RASA1: variants seen among roughly 807,000 people sequenced by gnomAD.
RASA1 encodes the protein RAS p21 protein activator 1.
RASA1 carries 25 observed loss-of-function variants against 132.2 expected under a neutral mutation model. The observed-to-expected ratio is 0.19, with a 90% CI of 0.14 to 0.26. The LOEUF is 0.26. Among genes scored for constraint, RASA1 ranks in the 10% least tolerant of loss-of-function variants. The probability of loss-of-function intolerance (pLI) is 1.00; values close to 1 mark genes in which losing one functional copy is unlikely to be tolerated. For synonymous variants in RASA1, 477 were observed against 449.9 expected, an observed-to-expected ratio of 1.06 and a Z score of -0.76; for missense variants, 964 against 1,299.2, an observed-to-expected ratio of 0.74 and a Z score of 3.97.
At chr5:87,359,178 G>GT (rs929475129) in intron 9 of RASA1, among the ~76,000 whole-genome samples, 2 of 152,106 alleles carry the variant, frequency 1.3e-5, no homozygotes, top group African/African-American at 2.4e-5. Flanking sequence ...ATTAAATGGC[G>GT]TTTTCCTACA....
intron 1 of RASA1, among the ~76,000 whole-genome samples, chr5:87,302,969 A>C (rs1755442364): frequency 6.6e-6 from 1 of 152,116 alleles, no homozygotes; most frequent in African/African-American, 2.4e-5. Context: ...TTAGACGTAC[A>C]TATGGAATTG....
chr5:87,309,583 A>G (rs1380233194), intron 1 of RASA1, among the ~76,000 whole-genome samples: 4 of 152,106 alleles, frequency 2.6e-5, no homozygotes, highest in Non-Finnish European at 4.4e-5. Flanking sequence ...ATCTAGTCTT[A>G]TGATACTGTA....
At chr5:87,289,834 C>G (rs1754838121) in intron 1 of RASA1, among the ~76,000 whole-genome samples, 1 of 152,134 alleles carries the variant, frequency 6.6e-6, no homozygotes, top group Admixed American at 6.5e-5. Flanking sequence ...GTCTTGAACT[C>G]TTGGACTTGA....
At chr5:87,295,614 C>T (rs891477636) in intron 1 of RASA1, among the ~76,000 whole-genome samples, 14 of 151,982 alleles carry the variant, frequency 9.2e-5, no homozygotes, top group Non-Finnish European at 2.1e-4. Context: ...AAGTGATCCT[C>T]CCACCTCAGC....
Position 87,380,552 on chromosome 5 carries a change from C to T in RASA1, c.2647C>T (p.His883Tyr). Residue 883 changes from histidine (H) to tyrosine (Y), a missense_variant, in exon 20 of 25, where the codon CAT becomes TAT. By Grantham distance (83) the His-to-Tyr change is moderately conservative. This residue lies in a region of RASA1 where 346 missense variants were observed against 520.1 expected (regional missense o/e 0.67). Transcript: ENST00000274376. Reference sequence around the variant, plus strand: ...TGGGTGTTTACAGAAATCTGTTCAGCATAAGTGGCCTACAAATACCACCAT... The same window carrying T: ...TGGGTGTTTACAGAAATCTGTTCAGTATAAGTGGCCTACAAATACCACCAT... ...IYGCLQKSVQ[H>Y]KWPTNTTMRT... 1 of 1,613,380 alleles carries T rather than the reference C, an allele frequency of 6.2e-7. No individual in the cohort carries two copies. Among genetic ancestry groups the T allele is most frequent in the Non-Finnish European group, 8.5e-7 (1 of 1,179,522 alleles).
chr5:87,378,998 C>A (rs752235986), intron 18 of RASA1, among the ~76,000 whole-genome samples: 1 of 152,080 alleles, frequency 6.6e-6, no homozygotes, highest in Non-Finnish European at 1.5e-5. Flanking sequence ...AGTATAAATT[C>A]ATAATACACT....
At position 87,363,448 on chromosome 5, in the gene RASA1, A is replaced by G; in HGVS notation, c.1554A>G (p.Gly518=). 6.2e-7 allele frequency: 1 copy of G among 1,612,400 alleles called. No individual in the cohort carries two copies. The highest frequency in any genetic ancestry group is 8.5e-7 in the Non-Finnish European group (1 of 1,178,694). Residue 518 remains glycine, a synonymous_variant, in exon 11 of 25, where the codon GGA becomes GGG. Transcript: ENST00000274376. ...ESEKRATKPK[G]LIDLSVCSVY... is the part of the protein sequence containing the mutation. ...AAAAACGAGCTACCAAACCAAAAGG[A>G]TTAATAGATCTCAGTGTATGTTCTG...
chr5:87,341,523 T>C (rs2112398831), intron 6 of RASA1, among the ~76,000 whole-genome samples: 2 of 152,254 alleles, frequency 1.3e-5, no homozygotes, highest in South Asian at 4.1e-4. Context: ...AGCTGATAAC[T>C]AAATATAACT....
chr5:87,269,795 T>A lies in RASA1; in HGVS notation c.539+805T>A, dbSNP rs185354566. Among the ~76,000 whole-genome samples the A allele has an allele frequency of 5.5e-3, 836 of 152,348 alleles. 10 individuals are homozygous for A. Among genetic ancestry groups the A allele is most frequent in the South Asian group, 0.034 (163 of 4,826 alleles). ...AAAATATACAGGACAATGACTTTTT[T>A]AAAATGTAAGTTAATACCTCCTCCT... On this transcript the variant is annotated intron_variant, in intron 1 of 24. Coordinates refer to ENST00000274376, the MANE Select transcript of RASA1 (RefSeq NM_002890.3).
At chr5:87,314,229 T>A (rs1019463343) in intron 1 of RASA1, among the ~76,000 whole-genome samples, 8 of 152,186 alleles carry the variant, frequency 5.3e-5, no homozygotes, top group African/African-American at 1.9e-4. Context: ...TTGGTTTGTT[T>A]AAGAAATGAC....
intron 9 of RASA1, among the ~76,000 whole-genome samples, chr5:87,360,113 A>G (rs1759961020): frequency 1.3e-5 from 2 of 149,288 alleles, no homozygotes; most frequent in Admixed American, 6.6e-5. Context: ...TTTTTGTATT[A>G]TCAAAATGCA....
intron 1 of RASA1, among the ~76,000 whole-genome samples, chr5:87,277,230 T>C (rs1394357503): frequency 6.6e-6 from 1 of 152,172 alleles, no homozygotes; most frequent in Non-Finnish European, 1.5e-5. Context: ...ACGTAGAATG[T>C]ACACACATAT....
rs73156382 is a variant in RASA1, at chr5:87,355,848, C to A, written c.1332+2613C>A. Among the ~76,000 whole-genome samples the A allele has an allele frequency of 1.7e-3, 260 of 152,234 alleles. 1 individual carries two copies. Among genetic ancestry groups the A allele is most frequent in the Middle Eastern group, 0.017 (5 of 294 alleles). On this transcript the variant is annotated intron_variant, in intron 9 of 24. Transcript: ENST00000274376. Reference sequence around the variant, plus strand: ...AGCTGATTCCAACTCTTTTGGATAACTTTGAGGGGCTCAAGACTACAAGAT... The same window carrying A: ...AGCTGATTCCAACTCTTTTGGATAAATTTGAGGGGCTCAAGACTACAAGAT...
In RASA1 at chr5:87,268,420, G is replaced by T. The variant is rs924618715; in HGVS notation, c.-32G>T. ...GGTGGCCCCTGGGGCTCCCGGGCGG[G>T]CAGGGTAGGGCAGAGTAGAGCGGGC... On this transcript the variant is annotated 5_prime_UTR_variant, in exon 1 of 25. Coordinates refer to ENST00000274376, the MANE Select transcript of RASA1 (RefSeq NM_002890.3). The T allele has an allele frequency of 2.7e-6, 4 of 1,499,890 alleles. No individual in the cohort carries two copies. In the African/African-American group the frequency reaches 5.6e-5, roughly 21 times the overall value. The allele number at this position is 1,499,890 out of a possible 1,614,324, so 92.9% of individuals were successfully genotyped here. A position where few individuals can be genotyped will look rare whatever the true frequency, so the allele number is the denominator to read the frequency against.
rs146877084 is a variant in RASA1 at position 87,271,654 on chromosome 5, C to A, written c.539+2664C>A. 3.1e-3 allele frequency among the ~76,000 whole-genome samples: 475 copies of A among 151,314 alleles called. 3 individuals are homozygous for A. Among genetic ancestry groups the A allele is most frequent in the African/African-American group, 0.011 (458 of 41,278 alleles). On this transcript the variant is annotated intron_variant, in intron 1 of 24. Coordinates refer to ENST00000274376, the MANE Select transcript of RASA1 (RefSeq NM_002890.3). ...CCCGCAACCAGGCCTGGCTAATTTT[C>A]ATATTTTTAGTAGAGACAGGGTTTT...
At chr5:87,324,697 C>T (rs564942918) in intron 1 of RASA1, among the ~76,000 whole-genome samples, 1 of 152,236 alleles carries the variant, frequency 6.6e-6, no homozygotes, top group East Asian at 1.9e-4. Flanking sequence ...TGGTTATATA[C>T]AAATATACCC....
In RASA1 at chr5:87,389,405, C is replaced by T. The variant is rs1762309240; in HGVS notation, c.2938C>T (p.Leu980Phe). The change falls in exon 24 of 25, where the codon CTT becomes TTT. Residue 980 changes from leucine (L) to phenylalanine (F), a missense_variant. Leu to Phe is a conservative substitution (Grantham distance 22). Transcript: ENST00000274376. ...GATTCCCTTAAAGAATGTACCTGAACTTCCGGACACTACAGAGCATTCTAG... is the reference window on the plus strand; with the variant it reads ...GATTCCCTTAAAGAATGTACCTGAATTTCCGGACACTACAGAGCATTCTAG... The part of the protein sequence containing the change: ...FLDELGNVPE[L>F]PDTTEHSRTD... 2.5e-6 allele frequency: 4 copies of T among 1,614,118 alleles called. No homozygotes were observed. The highest frequency in any genetic ancestry group is 1.7e-5 in the Admixed American group (1 of 60,028).
At chr5:87,291,147 T>A (rs1163807929) in intron 1 of RASA1, among the ~76,000 whole-genome samples, 1 of 152,208 alleles carries the variant, frequency 6.6e-6, no homozygotes, top group Non-Finnish European at 1.5e-5. Context: ...TTGGCCATTG[T>A]AAAAGGTGTA....
intron 5 of RASA1, among the ~76,000 whole-genome samples, chr5:87,338,536 A>ATATATATATATATATATATTTTTT: frequency 3.5e-5 from 3 of 85,218 alleles, no homozygotes; most frequent in African/African-American, 1.3e-4. Context: ...TATATATAAA[A>ATATATATATATATATATATTTTTT]TTTTTTTTTT....
Sources: allele counts gnomAD v4.1 joint callset (sites outside exome capture counted in the v4.1 genomes callset), GRCh38; gene constraint gnomAD v4.1.1; regional missense constraint gnomAD v4.1.1; transcripts MANE v1.5; gene names NCBI Gene and HGNC (gene_info 2026-07-23, HGNC 2026-07-21).